The following RARS2 variants were observed in gnomAD, a reference collection of about 807,000 sequenced individuals.
RARS2 encodes the protein arginyl-tRNA synthetase 2, mitochondrial.
A neutral mutation model predicts 88.5 loss-of-function variants in RARS2; 67 were observed. The observed-to-expected ratio is 0.76, with a 90% CI of 0.62 to 0.93. The LOEUF is 0.93. Among genes scored for constraint, RARS2 ranks in the 40% least tolerant of loss-of-function variants. The pLI is 0.00. For missense variants in RARS2, 664 were observed against 684.2 expected (o/e 0.97, Z 0.33); for synonymous variants, 239 against 230.3 (o/e 1.04, Z -0.34).
chr6:87,534,953 A>T (rs1778683164), intron 8 of RARS2, among the ~76,000 whole-genome samples: 1 of 152,206 alleles, frequency 6.6e-6, no homozygotes, highest in Non-Finnish European at 1.5e-5. Context: ...TAAACATGTA[A>T]GAGACCAGTG....
intron 10 of RARS2, among the ~76,000 whole-genome samples, chr6:87,526,149 T>C (rs1775616052): frequency 6.6e-6 from 1 of 151,954 alleles, no homozygotes; most frequent in African/African-American, 2.4e-5. Flanking sequence ...TTCACAGAAA[T>C]AGAAAAATCA....
chr6:87,554,540 T>C (rs1478482329), intron 5 of RARS2, among the ~76,000 whole-genome samples: 1 of 152,210 alleles, frequency 6.6e-6, no homozygotes, highest in Non-Finnish European at 1.5e-5. Flanking sequence ...CACTGTAACC[T>C]TGAATTCCTA....
intron 2 of RARS2, among the ~76,000 whole-genome samples, chr6:87,568,944 CA>C (rs1326140269): frequency 6.6e-6 from 1 of 152,106 alleles, no homozygotes; most frequent in Non-Finnish European, 1.5e-5. Flanking sequence ...GTTTTCTACC[CA>C]AATCGTAAAC....
At chr6:87,571,554 C>T (rs921246037) in intron 1 of RARS2, among the ~76,000 whole-genome samples, 10 of 152,014 alleles carry the variant, frequency 6.6e-5, no homozygotes, top group Non-Finnish European at 5.9e-5. Flanking sequence ...CTCATATAGC[C>T]TCTGCAAAGG....
At chr6:87,580,075 G>A (rs1773009991) in intron 1 of RARS2, among the ~76,000 whole-genome samples, 1 of 152,114 alleles carries the variant, frequency 6.6e-6, no homozygotes, top group Non-Finnish European at 1.5e-5. Context: ...ATTCTCACAG[G>A]TTTAGAATTA....
chr6:87,538,714 T>C (rs1669792512), intron 8 of RARS2, among the ~76,000 whole-genome samples: 2 of 151,946 alleles, frequency 1.3e-5, no homozygotes, highest in Admixed American at 6.6e-5. Context: ...CTGGACAGCA[T>C]AGCAAGACCC....
At chr6:87,531,872 C>A (rs1335730528) in intron 8 of RARS2, among the ~76,000 whole-genome samples, 2 of 152,084 alleles carry the variant, frequency 1.3e-5, no homozygotes. Context: ...AACTCACCTG[C>A]AGGTTGAAAC....
intron 1 of RARS2, among the ~76,000 whole-genome samples, chr6:87,589,279 G>A (rs1776223351): frequency 6.6e-6 from 1 of 152,214 alleles, no homozygotes; most frequent in Admixed American, 6.5e-5. Context: ...GGGAAGCAGA[G>A]GAGGGAGGAC....
chr6:87,537,757 G>A (rs1409321596), intron 8 of RARS2, among the ~76,000 whole-genome samples: 1 of 152,170 alleles, frequency 6.6e-6, no homozygotes, highest in African/African-American at 2.4e-5. Flanking sequence ...AAGAGTAAAT[G>A]CAGATTATCT....
chr6:87,570,306 G>A (rs1019864941), intron 1 of RARS2, among the ~76,000 whole-genome samples: 3 of 152,074 alleles, frequency 2.0e-5, no homozygotes, highest in Non-Finnish European at 1.5e-5. Context: ...GTGCCTTGCT[G>A]GATTTGTATT....
intron 1 of RARS2, among the ~76,000 whole-genome samples, chr6:87,575,010 A>G (rs956952098): frequency 6.6e-6 from 1 of 152,106 alleles, no homozygotes; most frequent in African/African-American, 2.4e-5. Context: ...AAGACTAGCA[A>G]ACAAACATGC....
At chr6:87,544,376 C>G (rs1424486663) in intron 7 of RARS2, among the ~76,000 whole-genome samples, 1 of 152,188 alleles carries the variant, frequency 6.6e-6, no homozygotes, top group Non-Finnish European at 1.5e-5. Flanking sequence ...TCTTATGTGA[C>G]AAGCACTGTA....
Position 87,520,206 on chromosome 6 carries a change from C to A in RARS2, c.1086G>T (p.Lys362Asn), listed in dbSNP as rs200101535. Residue 362 changes from lysine to asparagine, a missense_variant, in exon 13 of 20, where the codon AAG becomes AAT. Lys to Asn is a moderately conservative substitution (Grantham distance 94). Coordinates refer to ENST00000369536, the MANE Select transcript of RARS2 (RefSeq NM_020320.5). ...TTTCTGCCCAGTCATATCCCATGAT[C>A]TTCAGCATTTGGAATACTTGCTGAA... is the stretch of plus-strand genomic sequence containing the variant. ...KHFQQVFQML[K>N]IMGYDWAERC... 1.2e-5 allele frequency: 19 copies of A among 1,613,574 alleles called. No homozygotes were observed. The highest frequency in any genetic ancestry group is 1.4e-5 in the Non-Finnish European group (16 of 1,179,684).
intron 17 of RARS2, 65 bp downstream of exon 17, chr6:87,518,104 C>A: frequency 1.2e-6 from 2 of 1,613,384 alleles, no homozygotes; most frequent in Non-Finnish European, 1.7e-6. Flanking sequence ...TACTGGGCAG[C>A]AAAAATGCTA....
At chr6:87,571,034 A>G (rs1451819203) in intron 1 of RARS2, among the ~76,000 whole-genome samples, 2 of 152,140 alleles carry the variant, frequency 1.3e-5, no homozygotes, top group Non-Finnish European at 2.9e-5. Context: ...CTAAAAACAG[A>G]ACCTATACTC....
chr6:87,519,116 G>T lies in RARS2; in HGVS notation c.1238-225C>A, dbSNP rs138889883. 1.5e-3 allele frequency: 718 copies of T among 489,442 alleles called. 2 individuals are homozygous for T. The highest frequency in any genetic ancestry group is 2.1e-3 in the Non-Finnish European group (565 of 272,358). The allele number at this position is 489,442 out of a possible 1,614,324, so 30.3% of individuals were successfully genotyped here. Reference sequence around the variant, plus strand: ...TTTATTTATTCAAAAGATACTTGTAGGAAAAATAAATTTGGATTTCTGATT... The same window carrying T: ...TTTATTTATTCAAAAGATACTTGTATGAAAAATAAATTTGGATTTCTGATT... On this transcript the variant is annotated intron_variant, in intron 14 of 19. Coordinates refer to ENST00000369536, the MANE Select transcript of RARS2 (RefSeq NM_020320.5).
chr6:87,534,140 C>T (rs1373344952), intron 8 of RARS2, among the ~76,000 whole-genome samples: 1 of 151,842 alleles, frequency 6.6e-6, no homozygotes, highest in African/African-American at 2.4e-5. Flanking sequence ...TAGTTGATTC[C>T]GAACATGAAA....
intron 8 of RARS2, among the ~76,000 whole-genome samples, chr6:87,538,601 C>G (rs11758428): frequency 0.01 from 1,573 of 152,260 alleles, 15 homozygotes; most frequent in Middle Eastern, 0.017. Context: ...CCCACAAAAC[C>G]TACACCTATA....
At chr6:87,531,524 A>T (rs1284912536) in intron 8 of RARS2, among the ~76,000 whole-genome samples, 1 of 152,232 alleles carries the variant, frequency 6.6e-6, no homozygotes, top group Non-Finnish European at 1.5e-5. Context: ...CCAATACAAT[A>T]GGTGATCTTG....
Sources: allele counts gnomAD v4.1 joint callset (sites outside exome capture counted in the v4.1 genomes callset), GRCh38; gene constraint gnomAD v4.1.1; transcripts MANE v1.5; gene names NCBI Gene and HGNC (gene_info 2026-07-23, HGNC 2026-07-21).